Variants in RMDN3 observed in about 807,000 individuals in gnomAD.
The protein encoded by RMDN3 is regulator of microtubule dynamics 3, also known as regulator of microtubule dynamics protein 3.
RMDN3 carries 41 observed loss-of-function variants against 61.8 expected under a neutral mutation model. That is an observed-to-expected ratio of 0.66 (90% confidence interval 0.52 to 0.86). The LOEUF (loss-of-function observed/expected upper bound fraction) is 0.86. Ranked by LOEUF, RMDN3 falls within the 40% of genes least tolerant of loss-of-function variation. RMDN3 has a pLI of 0.00. For missense variants in RMDN3, 557 were observed against 585.3 expected, an observed-to-expected ratio of 0.95 and a Z score of 0.50; for synonymous variants, 247 against 232.0, an observed-to-expected ratio of 1.06 and a Z score of -0.59.
chr15:40,740,805 G>A (rs762139796), intron 6 of RMDN3, among the ~76,000 whole-genome samples: 6 of 152,162 alleles, frequency 3.9e-5, no homozygotes, highest in Non-Finnish European at 8.8e-5. Flanking sequence ...AAAGGATCCA[G>A]CCAGGCACGA....
intron 2 of RMDN3, among the ~76,000 whole-genome samples, chr15:40,754,276 C>T (rs935942277): frequency 1.3e-5 from 2 of 152,012 alleles, no homozygotes; most frequent in African/African-American, 2.4e-5. Context: ...GACTACAGGC[C>T]GCGCCACCAC....
chr15:40,745,326 C>A (rs752514679), intron 4 of RMDN3, 67 bp from the exon 5 acceptor site: 322 of 1,514,758 alleles, frequency 2.1e-4, no homozygotes, highest in Non-Finnish European at 2.8e-4. Context: ...TCTGTCTATC[C>A]CTCACCCCCA....
At chr15:40,754,961 G>A in intron 1 of RMDN3, 122 bp downstream of exon 1, 2 of 596,210 alleles carry the variant, frequency 3.4e-6, no homozygotes, top group Non-Finnish European at 5.8e-6. Context: ...TGAACCCTAA[G>A]GCTTCCTCCA....
rs771458710 is a variant in RMDN3 at position 40,740,120 on chromosome 15, A to G, written c.971+13T>C. The G allele has an allele frequency of 2.5e-5, 40 of 1,580,200 alleles. No individual in the cohort carries two copies. The highest frequency in any genetic ancestry group is 3.4e-5 in the Non-Finnish European group (39 of 1,150,246). Reference sequence around the variant, plus strand: ...TTGCTGGCTCTTCCCAGAACACTGCAGGGTGTTATTACCACAGGTGACAGT... The same window carrying G: ...TTGCTGGCTCTTCCCAGAACACTGCGGGGTGTTATTACCACAGGTGACAGT... On this transcript the variant is annotated intron_variant, in intron 7 of 12. Coordinates refer to ENST00000338376, the MANE Select transcript of RMDN3 (RefSeq NM_018145.3).
At position 40,744,032 on chromosome 15, in the gene RMDN3, G is replaced by A. The variant is rs374707390; in HGVS notation, c.910+15C>T. 3 of 1,597,308 alleles carry A rather than the reference G, an allele frequency of 1.9e-6. No individual in the cohort carries two copies. The highest frequency in any genetic ancestry group is 2.6e-6 in the Non-Finnish European group (3 of 1,170,058). On this transcript the variant is annotated intron_variant, in intron 6 of 12. Transcript: ENST00000338376. Reference sequence around the variant, plus strand: ...TCAGTCAGTCACCTTCCCACAGGAAGCTGTCAGCACTTACCATCTAGGGCA... The same window carrying A: ...TCAGTCAGTCACCTTCCCACAGGAAACTGTCAGCACTTACCATCTAGGGCA...
chr15:40,737,827 C>T, intron 9 of RMDN3, 101 bp from the exon 10 acceptor site: 11 of 1,454,478 alleles, frequency 7.6e-6, no homozygotes, highest in Admixed American at 5.2e-5. Flanking sequence ...GGGGCTGGGT[C>T]GAACCACCAA....
At chr15:40,745,899 A>G (rs1897522756) in intron 4 of RMDN3, among the ~76,000 whole-genome samples, 1 of 152,226 alleles carries the variant, frequency 6.6e-6, no homozygotes, top group South Asian at 2.1e-4. Context: ...CCTCTGGCCC[A>G]AGTCAACAAC....
rs1172582161 is a variant in RMDN3 at position 40,736,497 on chromosome 15, A to C, written c.*44T>G. On this transcript the variant is annotated 3_prime_UTR_variant, in exon 13 of 13. Coordinates refer to ENST00000338376, the MANE Select transcript of RMDN3 (RefSeq NM_018145.3). ...AGGAAAAAAGCCTCCCCGCCCCCCC[A>C]CCTTAAATAGTGGCATCAAGTCATG... The C allele has an allele frequency of 6.4e-7, 1 of 1,573,420 alleles. No individual in the cohort carries two copies. The highest frequency in any genetic ancestry group is 8.7e-7 in the Non-Finnish European group (1 of 1,144,280).
rs75906788 is a variant in RMDN3 at position 40,747,422 on chromosome 15, A to G, written c.525-2163T>C. 9.0e-3 allele frequency among the ~76,000 whole-genome samples: 1,365 copies of G among 152,356 alleles called. 22 individuals carry two copies. Among genetic ancestry groups the G allele is most frequent in the African/African-American group, 0.031 (1,301 of 41,578 alleles). ...CTCCAGGGAAGCTGGCATAGAAAGT[A>G]GACTTTAATTGCATCTCAGCCCCAC... On this transcript the variant is annotated intron_variant, in intron 4 of 12. Transcript: ENST00000338376.
At chr15:40,751,839 G>A in intron 3 of RMDN3, 147 bp downstream of exon 3, 1 of 906,456 alleles carries the variant, frequency 1.1e-6, no homozygotes, top group Non-Finnish European at 1.7e-6. Context: ...GCAAGGCGAG[G>A]TACCAAATGT....
chr15:40,738,868 CAT>C lies in RMDN3; in HGVS notation c.972-294_972-293del, dbSNP rs1596040032. 2.9e-5 allele frequency: 12 copies of C among 420,056 alleles called. No homozygotes were observed. The East Asian group carries it at 4.6e-4, about 16-fold the overall frequency. The allele number at this position is 420,056 out of a possible 1,614,324, so 26.0% of individuals were successfully genotyped here. A position where few individuals can be genotyped will look rare whatever the true frequency, so the allele number is the denominator to read the frequency against. On this transcript the variant is annotated intron_variant, in intron 7 of 12. Coordinates refer to ENST00000338376, the MANE Select transcript of RMDN3 (RefSeq NM_018145.3). ...TTACACAGTAAATCTCTCCTACACTCATAAGGAGTACAGCCACAGGCATTAAT... is the reference window on the plus strand; with the variant it reads ...TTACACAGTAAATCTCTCCTACACTCAAGGAGTACAGCCACAGGCATTAAT...
At chr15:40,749,027 C>T (rs1897698458) in intron 4 of RMDN3, among the ~76,000 whole-genome samples, 1 of 152,106 alleles carries the variant, frequency 6.6e-6, no homozygotes, top group Admixed American at 6.6e-5. Flanking sequence ...CCTCCGCCTC[C>T]TAGGTAGCTG....
chr15:40,740,729 CCA>C (rs1429936529), intron 6 of RMDN3, among the ~76,000 whole-genome samples: 1 of 152,134 alleles, frequency 6.6e-6, no homozygotes, highest in Non-Finnish European at 1.5e-5. Context: ...ATTAGAAACC[CCA>C]GTTACCTTCT....
chr15:40,736,554 AT>A lies in RMDN3; in HGVS notation c.1399del (p.Ile467PhefsTer14). 1 of 1,614,090 alleles carries A rather than the reference AT, an allele frequency of 6.2e-7. No individual in the cohort carries two copies. The highest frequency in any genetic ancestry group is 8.5e-7 in the Non-Finnish European group (1 of 1,179,986). ...IQKDLEELEV[I>X]LRD is the part of the protein sequence containing the mutation. ...AGTGAAACGTGGTTAGTCTCGTAAA[AT>A]GACTTCCAGTTCTTCCAGGTCCTTC... is the stretch of plus-strand genomic sequence containing the variant. On this transcript the variant is annotated frameshift_variant, in exon 13 of 13. Transcript: ENST00000338376. LOFTEE classifies it high-confidence loss of function.
intron 2 of RMDN3, among the ~76,000 whole-genome samples, chr15:40,753,253 G>C (rs1403716914): frequency 7.2e-5 from 11 of 152,208 alleles, no homozygotes; most frequent in African/African-American, 2.7e-4. Flanking sequence ...CTCTTGGCCA[G>C]GTGTGGTGGC....
At chr15:40,748,189 C>G (rs114805725) in intron 4 of RMDN3, among the ~76,000 whole-genome samples, 209 of 152,306 alleles carry the variant, frequency 1.4e-3, no homozygotes, top group African/African-American at 4.9e-3. Flanking sequence ...TGAAATCAAG[C>G]AGCCCATCAA....
At chr15:40,736,973 C>G in intron 12 of RMDN3, 151 bp downstream of exon 12, 1 of 723,592 alleles carries the variant, frequency 1.4e-6, no homozygotes, top group Non-Finnish European at 2.4e-6. Flanking sequence ...CCAGCCTCAG[C>G]TTCCCGAGTA....
In RMDN3 at chr15:40,736,561, C is replaced by G; in HGVS notation, c.1393G>C (p.Glu465Gln). The change falls in exon 13 of 13, where the codon GAA (glutamate) becomes CAA (glutamine). Residue 465 changes from glutamate (E) to glutamine (Q), a missense_variant. By Grantham distance (29) the Glu-to-Gln change is conservative. Transcript: ENST00000338376. ...CGTGGTTAGTCTCGTAAAATGACTT[C>G]CAGTTCTTCCAGGTCCTTCTGGATA... Reference protein sequence around the residue: ...LAIQKDLEELEVILRD With the variant: ...LAIQKDLEELQVILRD 6.2e-7 allele frequency: 1 copy of G among 1,613,978 alleles called. No homozygotes were observed. Among genetic ancestry groups the G allele is most frequent in the Non-Finnish European group, 8.5e-7 (1 of 1,179,952 alleles).
chr15:40,746,180 T>C (rs1217256816), intron 4 of RMDN3, among the ~76,000 whole-genome samples: 1 of 151,904 alleles, frequency 6.6e-6, no homozygotes, highest in Non-Finnish European at 1.5e-5. Context: ...CTAAAATAGA[T>C]AAGGACTGAG....
Sources: allele counts gnomAD v4.1 joint callset (sites outside exome capture counted in the v4.1 genomes callset), GRCh38; gene constraint gnomAD v4.1.1; transcripts MANE v1.5; gene names NCBI Gene and HGNC (gene_info 2026-07-23, HGNC 2026-07-21).